MAN1C1: variants seen among roughly 807,000 people sequenced by gnomAD.
The protein encoded by MAN1C1 is mannosyl-oligosaccharide 1,2-alpha-mannosidase IC.
Under a neutral mutation model 71.5 loss-of-function variants are expected in MAN1C1, and 49 were observed. The ratio of observed to expected loss-of-function variants is 0.69; its 90% CI spans 0.54 to 0.87. MAN1C1 has a LOEUF of 0.87. Among genes scored for constraint, MAN1C1 ranks in the 40% least tolerant of loss-of-function variants. The probability of loss-of-function intolerance (pLI) is 0.00; values close to 1 mark genes in which losing one functional copy is unlikely to be tolerated. For synonymous variants in MAN1C1, 352 were observed against 343.7 expected (o/e 1.02, Z -0.27); for missense variants, 743 against 835.0 (o/e 0.89, Z 1.36).
rs2047709781 is a variant in MAN1C1, at chr1:25,782,575, C to T, written c.1651-10C>T. ...AAGGCTGTTTTCCTCCTCCTCTTCC[C>T]CTTCCTCAGGCCTTGGAGAAATACT... is the stretch of plus-strand genomic sequence containing the variant. On this transcript the variant is annotated splice_polypyrimidine_tract_variant and intron_variant, in intron 10 of 11. Coordinates refer to ENST00000374332, the MANE Select transcript of MAN1C1 (RefSeq NM_020379.4). The surrounding 1 kb of genome is among the most constrained non-coding windows in gnomAD (Gnocchi z 4.4). 3.1e-6 allele frequency: 5 copies of T among 1,602,664 alleles called. No homozygotes were observed. In the East Asian group the frequency reaches 1.1e-4, roughly 36 times the overall value.
chr1:25,757,802 C>T (rs551749465), intron 5 of MAN1C1, among the ~76,000 whole-genome samples: 1 of 152,372 alleles, frequency 6.6e-6, no homozygotes, highest in African/African-American at 2.4e-5. Flanking sequence ...AAGCAAACTG[C>T]ACAGCAGTTA....
At chr1:25,768,389 CACAT>C (rs1226335910) in intron 7 of MAN1C1, among the ~76,000 whole-genome samples, 28 of 138,336 alleles carry the variant, frequency 2.0e-4, no homozygotes, top group Non-Finnish European at 3.6e-4. Context: ...ACACTCCCCT[CACAT>C]ACATCCACAC....
rs201284037 is a variant in MAN1C1, at chr1:25,758,615, C to T, written c.953C>T (p.Ala318Val). ...AGTGGGAACTGGGGCTGGGCCACAGCCGGCAGCAGCAGCATCTTGGCGGAG... is the reference window on the plus strand; with the variant it reads ...AGTGGGAACTGGGGCTGGGCCACAGTCGGCAGCAGCAGCATCTTGGCGGAG... ...FKSGNWGWAT[A>V]GSSSILAEFG... Residue 318 changes from alanine to valine, a missense_variant, in exon 6 of 12, where the codon GCC becomes GTC. Transcript: ENST00000374332. 3.3e-5 allele frequency: 54 copies of T among 1,614,090 alleles called. No homozygotes were observed. In the Admixed American group the frequency reaches 4.5e-4, roughly 13 times the overall value.
At chr1:25,624,091 T>C (rs1377423176) in intron 1 of MAN1C1, among the ~76,000 whole-genome samples, 5 of 152,168 alleles carry the variant, frequency 3.3e-5, no homozygotes, top group Non-Finnish European at 5.9e-5. Context: ...TTTGCATAAT[T>C]TGGGGAAAAG....
rs1477196929 is a variant in MAN1C1, at chr1:25,778,856, C to G, written c.1477+532C>G. On this transcript the variant is annotated intron_variant, in intron 9 of 11. Transcript: ENST00000374332. This position sits in a 1 kb window ranked among gnomAD's most constrained non-coding sequence, Gnocchi z 5.5. ...AGCCTGAGAGCTTGGTCCTCCCCAC[C>G]CACCACTCACCACTGAATTGTCCGA... is the stretch of plus-strand genomic sequence containing the variant. 1.3e-5 allele frequency among the ~76,000 whole-genome samples: 2 copies of G among 152,182 alleles called. No homozygotes were observed. Among genetic ancestry groups the G allele is most frequent in the Non-Finnish European group, 2.9e-5 (2 of 68,038 alleles).
rs1007714092 is a variant in MAN1C1 at position 25,746,500 on chromosome 1, G to A, written c.638-168G>A. ...GCCCATGGCGGGGACTCTGGGTCTC[G>A]GCGTCACCTTCGATGGTGGCACTGG... is the stretch of plus-strand genomic sequence containing the variant. On this transcript the variant is annotated intron_variant, in intron 2 of 11. Transcript: ENST00000374332. The surrounding 1 kb of genome is among the most constrained non-coding windows in gnomAD (Gnocchi z 4.0). Among the ~76,000 whole-genome samples the A allele has an allele frequency of 2.0e-5, 3 of 152,132 alleles. No individual in the cohort carries two copies. Among genetic ancestry groups the A allele is most frequent in the African/African-American group, 4.8e-5 (2 of 41,424 alleles).
chr1:25,717,829 G>C (rs1011686735), intron 2 of MAN1C1, among the ~76,000 whole-genome samples: 1 of 152,118 alleles, frequency 6.6e-6, no homozygotes, highest in African/African-American at 2.4e-5. Context: ...CTCCCAAAGT[G>C]CTGGGATTAC....
In MAN1C1 at chr1:25,769,137, TAC is replaced by T. The variant is rs2047509276; in HGVS notation, c.1142-2515_1142-2514del. On this transcript the variant is annotated intron_variant, in intron 7 of 11. Transcript: ENST00000374332. The surrounding 1 kb of genome is among the most constrained non-coding windows in gnomAD (Gnocchi z 4.8). ...CACACCACACACTCCCTTCACACAC[TAC>T]ACACTCCCCTCACACATTCCACACA... Among the ~76,000 whole-genome samples, 1 of 123,744 alleles carries T rather than the reference TAC, an allele frequency of 8.1e-6. No homozygotes were observed. Among genetic ancestry groups the T allele is most frequent in the Admixed American group, 7.8e-5 (1 of 12,774 alleles). The allele number at this position is 123,744 out of a possible 152,430, so 81.2% of individuals were successfully genotyped here. A position where few individuals can be genotyped will look rare whatever the true frequency, so the allele number is the denominator to read the frequency against.
rs1420594906 is a variant in MAN1C1 at position 25,783,945 on chromosome 1, A to G, written c.*156A>G. On this transcript the variant is annotated 3_prime_UTR_variant, in exon 12 of 12. Transcript: ENST00000374332. ...GCAACTTCTTTTCCTCTGTGAGGAG[A>G]CAAGACTTGGAGACTCAGCGATGTC... The G allele has an allele frequency of 2.0e-6, 2 of 1,013,686 alleles. No homozygotes were observed. Among genetic ancestry groups the G allele is most frequent in the African/African-American group, 3.2e-5 (2 of 61,836 alleles). 62.8% of individuals were successfully genotyped at this position (1,013,686 alleles called of 1,614,324 possible).
chr1:25,641,523 G>A (rs1467391964), intron 1 of MAN1C1, among the ~76,000 whole-genome samples: 2 of 152,178 alleles, frequency 1.3e-5, no homozygotes, highest in African/African-American at 2.4e-5. Context: ...TTAGACCAGG[G>A]TATCTACCCT....
Position 25,780,495 on chromosome 1 carries a change from A to T in MAN1C1, c.1478-445A>T, listed in dbSNP as rs74060828. On this transcript the variant is annotated intron_variant, in intron 9 of 11. Coordinates refer to ENST00000374332, the MANE Select transcript of MAN1C1 (RefSeq NM_020379.4). ...AGGAGAAGCCTCATTTCACATTAGC[A>T]TATTAAAGGATCTGATAAATCCTGC... Among the ~76,000 whole-genome samples, 418 of 152,262 alleles carry T rather than the reference A, an allele frequency of 2.7e-3. 4 individuals carry two copies. The highest frequency in any genetic ancestry group is 9.1e-3 in the African/African-American group (379 of 41,552).
At chr1:25,720,305 G>A (rs971212219) in intron 2 of MAN1C1, among the ~76,000 whole-genome samples, 18 of 151,330 alleles carry the variant, frequency 1.2e-4, no homozygotes, top group Non-Finnish European at 1.8e-4. Context: ...TCCACCTCCC[G>A]AGTTCAAGTG....
At chr1:25,648,570 G>A (rs866903463) in intron 1 of MAN1C1, among the ~76,000 whole-genome samples, 1 of 152,212 alleles carries the variant, frequency 6.6e-6, no homozygotes. Flanking sequence ...TTGACCTCTG[G>A]CTCTGCCCCA....
Position 25,617,860 on chromosome 1 carries a change from G to A in MAN1C1, c.63G>A (p.Gln21=). ...PASPWGLRLP[Q]KFLFLLFLSG... is the part of the protein sequence containing the mutation. The stretch of plus-strand genomic sequence containing the variant: ...CCCCGTGGGGGCTGCGGCTGCCGCA[G>A]AAGTTCCTCTTCCTCCTCTTCCTCT... The change falls in exon 1 of 12, where the codon CAG becomes CAA. Residue 21 remains glutamine (Q), a synonymous_variant. Transcript: ENST00000374332. The surrounding 1 kb of genome is among the most constrained non-coding windows in gnomAD (Gnocchi z 5.1). 2 of 1,607,104 alleles carry A rather than the reference G, an allele frequency of 1.2e-6. No homozygotes were observed. Among genetic ancestry groups the A allele is most frequent in the Non-Finnish European group, 1.7e-6 (2 of 1,177,634 alleles).
At chr1:25,774,726 C>G (rs1239926185) in intron 8 of MAN1C1, among the ~76,000 whole-genome samples, 1 of 152,206 alleles carries the variant, frequency 6.6e-6, no homozygotes, top group Non-Finnish European at 1.5e-5. Flanking sequence ...AATCGCAGAG[C>G]TGAGATTCAA....
Position 25,783,322 on chromosome 1 carries a change from C to T in MAN1C1, c.1767-341C>T, listed in dbSNP as rs185534063. On this transcript the variant is annotated intron_variant, in intron 11 of 11. Coordinates refer to ENST00000374332, the MANE Select transcript of MAN1C1 (RefSeq NM_020379.4). ...AGTCTTAGTGGGCAGCAGCGGGGCA[C>T]GTGAGAGTCAACTGGACTGCAGCAG... Among the ~76,000 whole-genome samples the T allele has an allele frequency of 1.5e-4, 23 of 152,296 alleles. No homozygotes were observed. The East Asian group carries it at 1.9e-3, about 13-fold the overall frequency.
intron 3 of MAN1C1, among the ~76,000 whole-genome samples, chr1:25,748,639 G>T (rs942941774): frequency 6.6e-6 from 1 of 152,222 alleles, no homozygotes; most frequent in Non-Finnish European, 1.5e-5. Flanking sequence ...CTGGCATGAT[G>T]CTCCAGCACC....
chr1:25,660,355 C>T (rs372535793), intron 1 of MAN1C1, among the ~76,000 whole-genome samples: 10 of 149,330 alleles, frequency 6.7e-5, no homozygotes, highest in Non-Finnish European at 1.2e-4. Context: ...GAGCTGAGAT[C>T]GCGCCATTGC....
At chr1:25,714,022 C>T (rs546802912) in intron 2 of MAN1C1, among the ~76,000 whole-genome samples, 1 of 152,264 alleles carries the variant, frequency 6.6e-6, no homozygotes, top group South Asian at 2.1e-4. Flanking sequence ...ATGTTGGTGG[C>T]TTTGAAATAG....
Sources: gnomAD v4.1 joint callset for allele counts (sites outside exome capture counted in the v4.1 genomes callset) on GRCh38, gnomAD v4.1.1 for gene constraint, Gnocchi (gnomAD v3.1) non-coding constraint, MANE v1.5 for transcripts, NCBI Gene and HGNC (gene_info 2026-07-23, HGNC 2026-07-21) for gene names.